AFAP1: variants seen among roughly 807,000 people sequenced by gnomAD.
AFAP1 encodes the protein actin filament associated protein 1, also known as actin filament-associated protein 1.
Under a neutral mutation model 93.9 loss-of-function variants are expected in AFAP1, and 75 were observed. That is an observed-to-expected ratio of 0.80 (90% CI 0.66 to 0.97). The LOEUF is 0.97. Ranked by LOEUF, AFAP1 falls within the 50% of genes least tolerant of loss-of-function variation. The pLI is 0.00. For synonymous variants in AFAP1, 517 were observed against 430.7 expected, an observed-to-expected ratio of 1.20 and a Z score of -2.48; for missense variants, 1,201 against 1,050.8, an observed-to-expected ratio of 1.14 and a Z score of -1.98.
chr4:7,855,336 G>A (rs1005476227), intron 4 of AFAP1, 130 bp downstream of exon 4: 6 of 671,106 alleles, frequency 8.9e-6, no homozygotes, highest in Admixed American at 3.1e-5. Flanking sequence ...AATCTCTTTG[G>A]GTTCAAAAAG....
At position 7,774,791 on chromosome 4, in the gene AFAP1, G is replaced by T; in HGVS notation, c.2010C>A (p.Ala670=). The change falls in exon 15 of 18, where the codon GCC becomes GCA. Residue 670 remains alanine (A), a synonymous_variant. Transcript: ENST00000420658. Reference sequence around the variant, plus strand: ...GGTCTTTTCTTTCCTTGCGGAGCTGGGCCAGCCTATTCCGCAGGGCCTCTT... The same window carrying T: ...GGTCTTTTCTTTCCTTGCGGAGCTGTGCCAGCCTATTCCGCAGGGCCTCTT... ...KRKEALRNRL[A]QLRKERKDLR... is the part of the protein sequence containing the mutation. 1 of 1,614,134 alleles carries T rather than the reference G, an allele frequency of 6.2e-7. No homozygotes were observed. The highest frequency in any genetic ancestry group is 2.2e-5 in the East Asian group (1 of 44,886).
intron 3 of AFAP1, among the ~76,000 whole-genome samples, chr4:7,866,330 G>A (rs554516135): frequency 9.3e-4 from 142 of 152,228 alleles, no homozygotes; most frequent in African/African-American, 3.2e-3. Flanking sequence ...CCAAGTAGCT[G>A]GACTACAGCT....
In AFAP1 at chr4:7,809,154, C is replaced by T. The variant is rs1719791316; in HGVS notation, c.1054+460G>A. On this transcript the variant is annotated intron_variant, in intron 9 of 17. Transcript: ENST00000420658. ...ATACATGTGCCATGCTGGCGTGCTG[C>T]ACCCATTAACTCATCATTTAGCATT... Among the ~76,000 whole-genome samples, 3 of 151,838 alleles carry T rather than the reference C, an allele frequency of 2.0e-5. No homozygotes were observed. In the South Asian group the frequency reaches 6.2e-4, roughly 32 times the overall value.
Position 7,781,511 on chromosome 4 carries a change from G to C in AFAP1, c.1647C>G (p.Tyr549Ter). The C allele has an allele frequency of 6.4e-7, 1 of 1,552,280 alleles. No homozygotes were observed. The highest frequency in any genetic ancestry group is 8.7e-7 in the Non-Finnish European group (1 of 1,147,138). ...NLPPPHIFAR[Y>*]SPADRKASRL... ...TAGAGGCCTTTCTGTCAGCAGGAGA[G>C]TAGCGGGCAAAGATGTGCGGAGGCG... Residue 549 changes from tyrosine (Y) to a stop codon, truncating the protein, a stop_gained, in exon 13 of 18, where the codon TAC (tyrosine) becomes TAG (stop). Transcript: ENST00000420658. LOFTEE classifies it high-confidence loss of function.
chr4:7,771,696 C>G (rs1306164498), intron 16 of AFAP1, among the ~76,000 whole-genome samples: 1 of 152,182 alleles, frequency 6.6e-6, no homozygotes, highest in Non-Finnish European at 1.5e-5. Flanking sequence ...CTGTGTGACC[C>G]CAGAGCCACC....
chr4:7,892,795 C>A (rs1447705789), intron 1 of AFAP1, among the ~76,000 whole-genome samples: 3 of 152,048 alleles, frequency 2.0e-5, no homozygotes, highest in African/African-American at 7.2e-5. Context: ...TGACCTCAGC[C>A]AGCTGGGATG....
intron 6 of AFAP1, among the ~76,000 whole-genome samples, chr4:7,837,249 C>G (rs191095308): frequency 6.6e-6 from 1 of 152,146 alleles, no homozygotes; most frequent in Non-Finnish European, 1.5e-5. Context: ...CTGCCATGGA[C>G]GGAATGTGTT....
chr4:7,769,534 A>G (rs1266981700), intron 16 of AFAP1, among the ~76,000 whole-genome samples: 4 of 152,126 alleles, frequency 2.6e-5, no homozygotes, highest in Non-Finnish European at 5.9e-5. Flanking sequence ...GGCAGCTTCC[A>G]TATGCCAAAG....
chr4:7,774,662 C>T, intron 15 of AFAP1, 77 bp downstream of exon 15: 5 of 1,546,956 alleles, frequency 3.2e-6, no homozygotes, highest in Non-Finnish European at 4.4e-6. Context: ...GCAATAGGTC[C>T]TTTGGGCAAA....
At chr4:7,780,918 T>C (rs1401044812) in intron 13 of AFAP1, among the ~76,000 whole-genome samples, 2 of 152,330 alleles carry the variant, frequency 1.3e-5, no homozygotes, top group East Asian at 3.9e-4. Context: ...TTTAGACTTG[T>C]CATGGAGAAA....
At chr4:7,844,442 G>T (rs981320190) in intron 4 of AFAP1, among the ~76,000 whole-genome samples, 1 of 152,134 alleles carries the variant, frequency 6.6e-6, no homozygotes, top group African/African-American at 2.4e-5. Flanking sequence ...GCCCCCCAGT[G>T]GTGGCATTTG....
At chr4:7,876,182 G>A (rs970374655) in intron 1 of AFAP1, among the ~76,000 whole-genome samples, 2 of 152,196 alleles carry the variant, frequency 1.3e-5, no homozygotes, top group African/African-American at 2.4e-5. Flanking sequence ...CCTAAAACCT[G>A]AGCTCCCTCT....
At chr4:7,857,459 GTTCCCGAGGC>G (rs1401493102) in intron 3 of AFAP1, among the ~76,000 whole-genome samples, 1 of 152,050 alleles carries the variant, frequency 6.6e-6, no homozygotes, top group Non-Finnish European at 1.5e-5. Context: ...CCCCGTCCTT[GTTCCCGAGGC>G]TAAATAACTT....
At chr4:7,890,004 T>TAAAAAAAA (rs543991662) in intron 1 of AFAP1, among the ~76,000 whole-genome samples, 1 of 100,338 alleles carries the variant, frequency 1.0e-5, no homozygotes, top group Non-Finnish European at 1.9e-5. Context: ...CAATTTTTGT[T>TAAAAAAAA]AAAAAAAAAA....
intron 2 of AFAP1, 104 bp from the exon 3 acceptor site, chr4:7,868,823 T>C (rs1030185494): frequency 2.1e-6 from 2 of 959,748 alleles, no homozygotes; most frequent in Admixed American, 2.3e-5. Flanking sequence ...ACTTTGCAAA[T>C]ATTTATTTTC....
intron 3 of AFAP1, among the ~76,000 whole-genome samples, chr4:7,858,341 T>C (rs1269368792): frequency 6.6e-6 from 1 of 152,192 alleles, no homozygotes; most frequent in East Asian, 1.9e-4. Flanking sequence ...TTTTAAAAAA[T>C]AAAACTACTT....
intron 1 of AFAP1, among the ~76,000 whole-genome samples, chr4:7,910,538 A>C (rs1035851879): frequency 1.1e-4 from 17 of 152,254 alleles, no homozygotes; most frequent in South Asian, 4.1e-4. Context: ...CAGAAAATTG[A>C]GCAATCAGCC....
intron 1 of AFAP1, among the ~76,000 whole-genome samples, chr4:7,927,381 G>A (rs934884305): frequency 2.0e-5 from 3 of 152,178 alleles, no homozygotes; most frequent in Non-Finnish European, 4.4e-5. Context: ...CCTCTCTGTG[G>A]TTCAGTTTCT....
At chr4:7,846,719 T>C (rs1377007025) in intron 4 of AFAP1, among the ~76,000 whole-genome samples, 1 of 152,188 alleles carries the variant, frequency 6.6e-6, no homozygotes, top group Non-Finnish European at 1.5e-5. Flanking sequence ...GGTGCTAGGA[T>C]AAAGCCATGA....
Sources: allele counts gnomAD v4.1 joint callset (sites outside exome capture counted in the v4.1 genomes callset), GRCh38; gene constraint gnomAD v4.1.1; transcripts MANE v1.5; gene names NCBI Gene and HGNC (gene_info 2026-07-23, HGNC 2026-07-21).